KLB: variants seen among roughly 807,000 people sequenced by gnomAD.
KLB encodes beta-klotho.
In KLB, 44 loss-of-function variants were observed where a neutral mutation model predicts 88.4. The observed-to-expected ratio is 0.50, with a 90% confidence interval of 0.39 to 0.64. KLB has a LOEUF of 0.64. KLB is among the 30% of genes least tolerant of loss of function. The pLI is 0.00. For missense variants in KLB, 1,137 were observed against 1,304.8 expected, an observed-to-expected ratio of 0.87 and a Z score of 1.98; for synonymous variants, 548 against 513.4, an observed-to-expected ratio of 1.07 and a Z score of -0.91.
chr4:39,434,781 C>A, intron 2 of KLB, 61 bp downstream of exon 2: 2 of 1,265,754 alleles, frequency 1.6e-6, no homozygotes, highest in South Asian at 1.4e-5. Context: ...TATTTAAAGT[C>A]ACCTTTGAAT....
intron 1 of KLB, chr4:39,411,910 T>C (rs1742859619): frequency 6.6e-6 from 1 of 151,660 alleles, no homozygotes; most frequent in Non-Finnish European, 1.5e-5. Context: ...TCTCATATAG[T>C]GGGAGCTAAG....
At chr4:39,436,964 C>T (rs1743485112) in intron 2 of KLB, among the ~76,000 whole-genome samples, 2 of 152,222 alleles carry the variant, frequency 1.3e-5, no homozygotes, top group African/African-American at 2.4e-5. Context: ...CCCACCTCAG[C>T]CTCCCAAAGT....
Position 39,446,875 on chromosome 4 carries a change from G to C in KLB, c.2149G>C (p.Val717Leu). The change falls in exon 4 of 5, where the codon GTG (valine) becomes CTG (leucine). Residue 717 changes from valine (V) to leucine (L), a missense_variant. Val to Leu is a conservative substitution (Grantham distance 32). Transcript: ENST00000257408. This position sits in a 1 kb window ranked among gnomAD's most constrained non-coding sequence, Gnocchi z 6.4. ...DTYGAAHNLL[V>L]AHALAWRLYD... ...CTACGGGGCGGCGCACAACCTGCTG[G>C]TGGCCCACGCCCTGGCCTGGCGCCT... 1 of 1,609,440 alleles carries C rather than the reference G, an allele frequency of 6.2e-7. No homozygotes were observed. Among genetic ancestry groups the C allele is most frequent in the Non-Finnish European group, 8.5e-7 (1 of 1,179,814 alleles).
chr4:39,450,604 G>A lies in KLB; in HGVS notation c.*1918G>A, dbSNP rs1743869708. 1 of 152,112 alleles carries A rather than the reference G, an allele frequency of 6.6e-6. No homozygotes were observed. Among genetic ancestry groups the A allele is most frequent in the Non-Finnish European group, 1.5e-5 (1 of 68,034 alleles). 9.4% of individuals were successfully genotyped at this position (152,112 alleles called of 1,614,324 possible). ...ACTACCCCAAAGTTGGCAGTTTTGA[G>A]GTATGATTTTCAAGGAATTTTTTTA... On this transcript the variant is annotated 3_prime_UTR_variant, in exon 5 of 5. Coordinates refer to ENST00000257408, the MANE Select transcript of KLB (RefSeq NM_175737.4).
chr4:39,435,972 C>T (rs57462653), intron 2 of KLB, among the ~76,000 whole-genome samples: 4 of 152,124 alleles, frequency 2.6e-5, no homozygotes, highest in Admixed American at 6.5e-5. Context: ...TATTACATGA[C>T]GGCATGATGA....
intron 1 of KLB, among the ~76,000 whole-genome samples, chr4:39,421,514 C>G (rs1010066149): frequency 6.6e-6 from 1 of 152,132 alleles, no homozygotes; most frequent in Non-Finnish European, 1.5e-5. Flanking sequence ...CTTTAGGAGG[C>G]CAAGGTGGGC....
chr4:39,444,807 C>T (rs1406432073), intron 3 of KLB, among the ~76,000 whole-genome samples: 1 of 152,150 alleles, frequency 6.6e-6, no homozygotes, highest in Non-Finnish European at 1.5e-5. Context: ...TTCATGCTCA[C>T]ATGATCAATG....
intron 1 of KLB, among the ~76,000 whole-genome samples, chr4:39,426,465 A>C (rs1449889087): frequency 2.0e-5 from 3 of 151,342 alleles, no homozygotes; most frequent in African/African-American, 7.3e-5. Context: ...ACCATTAAAA[A>C]TAGGATGGTG....
chr4:39,422,042 G>A (rs370877697), intron 1 of KLB, among the ~76,000 whole-genome samples: 4 of 152,120 alleles, frequency 2.6e-5, no homozygotes, highest in Non-Finnish European at 2.9e-5. Context: ...CACCACGCCC[G>A]GCCGCCTCTG....
chr4:39,411,578 G>C (rs1289701029), intron 1 of KLB, among the ~76,000 whole-genome samples: 1 of 151,006 alleles, frequency 6.6e-6, no homozygotes, highest in Non-Finnish European at 1.5e-5. Flanking sequence ...GGCGTGCAGT[G>C]GCTCGATCTC....
chr4:39,427,438 G>A (rs868450777), intron 1 of KLB, among the ~76,000 whole-genome samples: 16 of 146,436 alleles, frequency 1.1e-4, no homozygotes, highest in Admixed American at 9.6e-4. Context: ...AGCCAAGACC[G>A]AGCCACTGCA....
chr4:39,432,981 G>A (rs1743395460), intron 1 of KLB, among the ~76,000 whole-genome samples: 1 of 151,772 alleles, frequency 6.6e-6, no homozygotes, highest in Admixed American at 6.6e-5. Context: ...CCGGGTTCAA[G>A]CGATTATCCT....
Position 39,424,230 on chromosome 4 carries a change from C to A in KLB, c.826-9980C>A, listed in dbSNP as rs1186810061. Among the ~76,000 whole-genome samples the A allele has an allele frequency of 1.3e-5, 2 of 151,672 alleles. 1 individual carries two copies. Among genetic ancestry groups the A allele is most frequent in the African/African-American group, 4.9e-5 (2 of 40,982 alleles). On this transcript the variant is annotated intron_variant, in intron 1 of 4. Transcript: ENST00000257408. ...GGATTACAGGTGCACACCACCATACCCAGCTAATTTTTGTATTTTTTGTAG... is the reference window on the plus strand; with the variant it reads ...GGATTACAGGTGCACACCACCATACACAGCTAATTTTTGTATTTTTTGTAG...
chr4:39,412,412 G>A (rs1742873941), intron 1 of KLB, among the ~76,000 whole-genome samples: 1 of 152,050 alleles, frequency 6.6e-6, no homozygotes, highest in Non-Finnish European at 1.5e-5. Context: ...AAGCTTTGGG[G>A]ATAAAGTCTC....
chr4:39,416,578 CAAG>C (rs1393518904), intron 1 of KLB, among the ~76,000 whole-genome samples: 9 of 152,022 alleles, frequency 5.9e-5, no homozygotes, highest in Non-Finnish European at 1.0e-4. Context: ...TCCAGGAGTT[CAAG>C]ATCAGCCTAA....
chr4:39,445,599 C>T (rs974026110), intron 3 of KLB, among the ~76,000 whole-genome samples: 2 of 150,232 alleles, frequency 1.3e-5, no homozygotes, highest in South Asian at 2.1e-4. Flanking sequence ...TCGCCTCCTG[C>T]GTTCAAGCGA....
In KLB at chr4:39,443,758, C is replaced by CAAAAAAA. The variant is rs56820388; in HGVS notation, c.1606-2561_1606-2555dup. On this transcript the variant is annotated intron_variant, in intron 3 of 4. Transcript: ENST00000257408. ...CCTGGGCAACACAGTGAGACTTTGTCAAAAAAAAAAAAAAAAAAAGAAAAA... is the reference window on the plus strand; with the variant it reads ...CCTGGGCAACACAGTGAGACTTTGTCAAAAAAAAAAAAAAAAAAAAAAAAAAGAAAAA... Among the ~76,000 whole-genome samples the CAAAAAAA allele has an allele frequency of 9.9e-5, 11 of 110,980 alleles. No individual in the cohort carries two copies. In the East Asian group the frequency reaches 1.4e-3, roughly 14 times the overall value. 72.8% of individuals were successfully genotyped at this position (110,980 alleles called of 152,430 possible). A position where few individuals can be genotyped will look rare whatever the true frequency, so the allele number is the denominator to read the frequency against.
In KLB at chr4:39,446,297, C is replaced by T. The variant is rs1296631298; in HGVS notation, c.1606-35C>T. 5 of 1,581,516 alleles carry T rather than the reference C, an allele frequency of 3.2e-6. No homozygotes were observed. Among genetic ancestry groups the T allele is most frequent in the Non-Finnish European group, 4.3e-6 (5 of 1,163,162 alleles). ...GATCACTTGAGCCTCCATCTGCCAGCGCATGCTTGACCTAAATGAGCTTGT... is the reference window on the plus strand; with the variant it reads ...GATCACTTGAGCCTCCATCTGCCAGTGCATGCTTGACCTAAATGAGCTTGT... On this transcript the variant is annotated intron_variant, in intron 3 of 4. Coordinates refer to ENST00000257408, the MANE Select transcript of KLB (RefSeq NM_175737.4). This position sits in a 1 kb window ranked among gnomAD's most constrained non-coding sequence, Gnocchi z 6.4.
chr4:39,411,524 AT>A (rs796871369), intron 1 of KLB, among the ~76,000 whole-genome samples: 257 of 109,678 alleles, frequency 2.3e-3, no homozygotes, highest in Non-Finnish European at 2.3e-3. Flanking sequence ...TGGCTTGGCC[AT>A]TTTTTTTTTT....
Sources: gnomAD v4.1 joint callset for allele counts (sites outside exome capture counted in the v4.1 genomes callset) on GRCh38, gnomAD v4.1.1 for gene constraint, Gnocchi (gnomAD v3.1) non-coding constraint, MANE v1.5 for transcripts, NCBI Gene and HGNC (gene_info 2026-07-23, HGNC 2026-07-21) for gene names.